The following CSF1R variants were observed in gnomAD, a reference collection of about 807,000 sequenced individuals.
CSF1R encodes colony stimulating factor 1 receptor.
Under a neutral mutation model 110.0 loss-of-function variants are expected in CSF1R, and 40 were observed. That is an observed-to-expected ratio of 0.36 (90% CI 0.28 to 0.47). CSF1R has a LOEUF of 0.47. Ranked by LOEUF, CSF1R falls within the 20% of genes least tolerant of loss-of-function variation. The probability of loss-of-function intolerance (pLI) is 0.99; values close to 1 mark genes in which losing one functional copy is unlikely to be tolerated. For synonymous variants in CSF1R, 523 were observed against 503.4 expected (o/e 1.04, Z -0.52); for missense variants, 1,052 against 1,253.0 (o/e 0.84, Z 2.42).
At chr5:150,069,826 C>CGGG in intron 9 of CSF1R, 47 bp downstream of exon 9, 1 of 1,357,700 alleles carries the variant, frequency 7.4e-7, no homozygotes, top group Non-Finnish European at 9.5e-7. Flanking sequence ...GGAGCAGGGG[C>CGGG]GGGGGGCGGG....
At chr5:150,066,144 C>G (rs888785331) in intron 10 of CSF1R, among the ~76,000 whole-genome samples, 1 of 152,206 alleles carries the variant, frequency 6.6e-6, no homozygotes, top group Non-Finnish European at 1.5e-5. Context: ...ACCTCCCCCT[C>G]CTTCCACCAT....
intron 1 of CSF1R, among the ~76,000 whole-genome samples, chr5:150,084,030 C>G (rs1181989421): frequency 1.3e-5 from 2 of 152,054 alleles, no homozygotes; most frequent in African/African-American, 4.8e-5. Flanking sequence ...TTAACCTTGG[C>G]AAAATAAACT....
At chr5:150,068,443 G>T (rs764220431) in intron 9 of CSF1R, 113 bp from the exon 10 acceptor site, 5 of 666,792 alleles carry the variant, frequency 7.5e-6, no homozygotes, top group Non-Finnish European at 1.3e-5. Flanking sequence ...CTTGTTGACT[G>T]AATGAAGCAT....
Position 150,059,691 on chromosome 5 carries a change from AG to A in CSF1R, c.2132+8del, listed in dbSNP as rs776168370. 2 of 1,612,442 alleles carry A rather than the reference AG, an allele frequency of 1.2e-6. No individual in the cohort carries two copies. Among genetic ancestry groups the A allele is most frequent in the Non-Finnish European group, 1.7e-6 (2 of 1,178,622 alleles). ...CCTGGCCTTTTTCTTGTCCTTTGCC[AG>A]GGGCTACCTGCGGACATATTTCTTC... On this transcript the variant is annotated splice_region_variant and intron_variant, in intron 14 of 20. Coordinates refer to ENST00000675795, the MANE Select transcript of CSF1R (RefSeq NM_001288705.3).
upstream of CSF1R, among the ~76,000 whole-genome samples, chr5:150,091,159 A>G (rs922904887): frequency 2.0e-5 from 3 of 152,202 alleles, no homozygotes; most frequent in African/African-American, 7.2e-5. Flanking sequence ...GGATGTGGAG[A>G]AATTGGAACC....
intron 5 of CSF1R, 80 bp downstream of exon 5, chr5:150,077,196 A>T: frequency 6.4e-7 from 1 of 1,574,398 alleles, no homozygotes; most frequent in Middle Eastern, 1.7e-4. Flanking sequence ...CTTCCCTGAC[A>T]TCAGCTTCCT....
chr5:150,060,454 G>T (rs1015229596), intron 13 of CSF1R, among the ~76,000 whole-genome samples: 4 of 152,154 alleles, frequency 2.6e-5, no homozygotes, highest in Non-Finnish European at 5.9e-5. Context: ...TGAAGAGGAT[G>T]TGGGGCACTT....
Position 150,078,121 on chromosome 5 carries a change from G to A in CSF1R, c.720C>T (p.Asn240=). ...ATCTGCAGGGACTGACCTTGGTGTT[G>A]TTGTGTTGGAGGAAGACATCAAAGT... ...DVNFDVFLQH[N]NTKLAIPQQS... Residue 240 remains asparagine, a synonymous_variant, in exon 4 of 21, where the codon AAC becomes AAT. Transcript: ENST00000675795. The A allele has an allele frequency of 6.2e-7, 1 of 1,614,134 alleles. No individual in the cohort carries two copies. The highest frequency in any genetic ancestry group is 8.5e-7 in the Non-Finnish European group (1 of 1,179,986).
chr5:150,061,042 G>A, intron 12 of CSF1R, 70 bp from the exon 13 acceptor site: 1 of 1,113,960 alleles, frequency 9.0e-7, no homozygotes, highest in Non-Finnish European at 1.3e-6. Context: ...AGATACATGG[G>A]GACCAAATGC....
intron 1 of CSF1R, among the ~76,000 whole-genome samples, chr5:150,105,379 TATATA>T (rs1373264275): frequency 2.4e-5 from 2 of 84,322 alleles, no homozygotes; most frequent in South Asian, 7.4e-4. Context: ...TATATATATA[TATATA>T]TTTTTTTTTT....
intron 1 of CSF1R, among the ~76,000 whole-genome samples, chr5:150,081,814 A>G (rs894084698): frequency 6.6e-6 from 1 of 152,098 alleles, no homozygotes; most frequent in African/African-American, 2.4e-5. Flanking sequence ...TTTAAGGAAA[A>G]TTTTCTTGAA....
At chr5:150,092,501 G>A (rs1581340496) in intron 1 of CSF1R, among the ~76,000 whole-genome samples, 1 of 152,288 alleles carries the variant, frequency 6.6e-6, no homozygotes, top group East Asian at 1.9e-4. Flanking sequence ...CCAAGACTGG[G>A]TGATTTCTAA....
chr5:150,106,792 CCTT>C (rs1202285518), intron 1 of CSF1R, among the ~76,000 whole-genome samples: 1 of 152,224 alleles, frequency 6.6e-6, no homozygotes, highest in Non-Finnish European at 1.5e-5. Flanking sequence ...CCCCCACACT[CCTT>C]CTTCCTGTTC....
In CSF1R at chr5:150,080,932, C is replaced by A. The variant is rs1256984931; in HGVS notation, c.142G>T (p.Val48Leu). 1 of 1,614,182 alleles carries A rather than the reference C, an allele frequency of 6.2e-7. No individual in the cohort carries two copies. Among genetic ancestry groups the A allele is most frequent in the South Asian group, 1.1e-5 (1 of 91,080 alleles). The part of the protein sequence containing the change: ...VTLRCVGNGS[V>L]EWDGPPSPHW... ...GGTGATGGGGGGCCATCCCATTCCACGCTGCCATTGCCCACACATCGCAAG... is the reference window on the plus strand; with the variant it reads ...GGTGATGGGGGGCCATCCCATTCCAAGCTGCCATTGCCCACACATCGCAAG... Residue 48 changes from valine to leucine, a missense_variant, in exon 2 of 21, where the codon GTG (valine) becomes TTG (leucine). Transcript: ENST00000675795.
rs376651450 is a variant in CSF1R at position 150,057,353 on chromosome 5, C to T, written c.2253G>A (p.Glu751=). The T allele has an allele frequency of 7.8e-5, 126 of 1,613,974 alleles. 1 individual carries two copies. The highest frequency in any genetic ancestry group is 3.6e-4 in the South Asian group (33 of 91,078). Residue 751 remains glutamate, a synonymous_variant, in exon 16 of 21, where the codon GAG becomes GAA. Transcript: ENST00000675795. ...TGGAGAAGTGAAGCAGGTCCCGGAG[C>T]TCCAGGGGCCGTCCATCCTCCTTGT... ...DLDKEDGRPL[E]LRDLLHFSSQ... is the part of the protein sequence containing the mutation.
chr5:150,106,362 C>T (rs887889607), intron 1 of CSF1R, among the ~76,000 whole-genome samples: 7 of 152,176 alleles, frequency 4.6e-5, no homozygotes, highest in South Asian at 4.1e-4. Flanking sequence ...TGCCTGACTC[C>T]TGGACCCTGG....
intron 16 of CSF1R, 114 bp from the exon 17 acceptor site, chr5:150,056,455 C>T (rs1757222864): frequency 1.5e-6 from 2 of 1,355,566 alleles, no homozygotes; most frequent in African/African-American, 1.4e-5. Flanking sequence ...GAGTGAACAA[C>T]AGTTTTGGTC....
At chr5:150,079,212 G>C (rs1381538948) in intron 3 of CSF1R, among the ~76,000 whole-genome samples, 1 of 152,218 alleles carries the variant, frequency 6.6e-6, no homozygotes, top group Non-Finnish European at 1.5e-5. Flanking sequence ...GAAATGCCAG[G>C]AAAGAGCCCT....
chr5:150,060,759 C>A (rs1757471557), intron 13 of CSF1R, 103 bp downstream of exon 13: 2 of 691,386 alleles, frequency 2.9e-6, no homozygotes, highest in South Asian at 2.0e-5. Context: ...ACACTTGGAG[C>A]AGTAGGATCC....
Sources: gnomAD v4.1 joint callset for allele counts (sites outside exome capture counted in the v4.1 genomes callset) on GRCh38, gnomAD v4.1.1 for gene constraint, MANE v1.5 for transcripts, NCBI Gene and HGNC (gene_info 2026-07-23, HGNC 2026-07-21) for gene names.